AKAP3: variants seen among roughly 807,000 people sequenced by gnomAD.
The protein encoded by AKAP3 is A-kinase anchoring protein 3, also known as A-kinase anchor protein 3.
Under a neutral mutation model 57.2 loss-of-function variants are expected in AKAP3, and 27 were observed. The observed-to-expected ratio is 0.47, with a 90% CI of 0.35 to 0.65. AKAP3 has a LOEUF of 0.65. Ranked by LOEUF, AKAP3 falls within the 30% of genes least tolerant of loss-of-function variation. The probability of loss-of-function intolerance (pLI) is 0.01; values close to 1 mark genes in which losing one functional copy is unlikely to be tolerated. For synonymous variants in AKAP3, 334 were observed against 392.3 expected, an observed-to-expected ratio of 0.85 and a Z score of 1.76; for missense variants, 959 against 1,040.0, an observed-to-expected ratio of 0.92 and a Z score of 1.07.
intron 4 of AKAP3, among the ~76,000 whole-genome samples, chr12:4,631,845 T>C (rs12184480): frequency 0.094 from 14,301 of 152,244 alleles, 799 homozygotes; most frequent in South Asian, 0.15. Flanking sequence ...TATTTATCAG[T>C]GTTAGATATT....
intron 5 of AKAP3, among the ~76,000 whole-genome samples, chr12:4,616,462 T>C (rs994900649): frequency 6.6e-6 from 1 of 152,250 alleles, no homozygotes; most frequent in African/African-American, 2.4e-5. Context: ...CTGTCATTTA[T>C]CTGGAATCCT....
intron 2 of AKAP3, among the ~76,000 whole-genome samples, chr12:4,643,274 A>G (rs1591537018): frequency 6.6e-6 from 1 of 152,226 alleles, no homozygotes. Context: ...GACAGCATCT[A>G]TAAAGAGGTA....
At chr12:4,622,968 A>G (rs1945363739) in intron 5 of AKAP3, among the ~76,000 whole-genome samples, 1 of 152,204 alleles carries the variant, frequency 6.6e-6, no homozygotes, top group Non-Finnish European at 1.5e-5. Context: ...CAAAGGACAC[A>G]AACAGACTCT....
At chr12:4,629,631 A>G (rs898933911) in intron 4 of AKAP3, among the ~76,000 whole-genome samples, 2 of 152,272 alleles carry the variant, frequency 1.3e-5, no homozygotes, top group Admixed American at 6.5e-5. Context: ...AACTTAAAAT[A>G]AAAGTTAAAA....
At position 4,626,528 on chromosome 12, in the gene AKAP3, A is replaced by T; in HGVS notation, c.2374T>A (p.Phe792Ile). The T allele has an allele frequency of 1.2e-6, 2 of 1,614,012 alleles. No individual in the cohort carries two copies. Among genetic ancestry groups the T allele is most frequent in the Admixed American group, 1.7e-5 (1 of 60,016 alleles). ...ASELNVPILY[F>I]AGDDEGIQEK... The stretch of plus-strand genomic sequence containing the variant: ...TGGATCCCTTCATCATCACCAGCAA[A>T]ATACAAAATAGGGACATTGAGCTCA... The change falls in exon 5 of 6, where the codon TTT becomes ATT. Residue 792 changes from phenylalanine (F) to isoleucine (I), a missense_variant. By Grantham distance (21) the Phe-to-Ile change is conservative (BLOSUM62 0). Coordinates refer to ENST00000228850, the MANE Select transcript of AKAP3 (RefSeq NM_001278309.2).
chr12:4,630,097 A>G (rs1377542732), intron 4 of AKAP3, among the ~76,000 whole-genome samples: 1 of 152,198 alleles, frequency 6.6e-6, no homozygotes, highest in African/African-American at 2.4e-5. Context: ...CACTGTAATT[A>G]TTGGAGTTCA....
rs553766298 is a variant in AKAP3 at position 4,647,471 on chromosome 12, GAGACA to G, written c.-245+1269_-245+1273del. ...GAGGAGGTCTTGAGCCCAGGAATTTGAGACAAGCCTGGGCAATACAGTAAGACCCC... is the reference window on the plus strand; with the variant it reads ...GAGGAGGTCTTGAGCCCAGGAATTTGAGCCTGGGCAATACAGTAAGACCCC... On this transcript the variant is annotated intron_variant, in intron 1 of 5. Transcript: ENST00000228850. Among the ~76,000 whole-genome samples the G allele has an allele frequency of 3.5e-3, 531 of 151,392 alleles. 5 individuals carry two copies. Among genetic ancestry groups the G allele is most frequent in the Admixed American group, 8.7e-3 (133 of 15,220 alleles).
At chr12:4,644,809 G>A (rs769671389) in intron 2 of AKAP3, among the ~76,000 whole-genome samples, 1 of 152,154 alleles carries the variant, frequency 6.6e-6, no homozygotes, top group African/African-American at 2.4e-5. Flanking sequence ...AGCTACTCGG[G>A]AGTCTGAGGC....
chr12:4,629,270 G>T (rs1945467988), intron 4 of AKAP3, among the ~76,000 whole-genome samples: 1 of 152,188 alleles, frequency 6.6e-6, no homozygotes, highest in Admixed American at 6.5e-5. Context: ...TCCCTGTAAA[G>T]GACGTGATAT....
chr12:4,631,191 T>C, intron 4 of AKAP3: 1 of 531,542 alleles, frequency 1.9e-6, no homozygotes, highest in South Asian at 2.7e-5. Flanking sequence ...GCAGCAATGA[T>C]TGGAAATTTG....
At position 4,648,885 on chromosome 12, in the gene AKAP3, A is replaced by G. The variant is rs1945733204; in HGVS notation, c.-385T>C. ...ACTCTGAACTTCAGGTTCCTCGGCA[A>G]TTAGAGATTATAAATAGCCTATACA... is the stretch of plus-strand genomic sequence containing the variant. On this transcript the variant is annotated 5_prime_UTR_variant, in exon 1 of 6. Transcript: ENST00000228850. 1 of 516,506 alleles carries G rather than the reference A, an allele frequency of 1.9e-6. No individual in the cohort carries two copies. Among genetic ancestry groups the G allele is most frequent in the South Asian group, 2.9e-5 (1 of 34,490 alleles). 32.0% of individuals were successfully genotyped at this position (516,506 alleles called of 1,614,324 possible).
At chr12:4,635,757 C>T in intron 4 of AKAP3, 1 of 717,186 alleles carries the variant, frequency 1.4e-6, no homozygotes, top group Non-Finnish European at 2.6e-6. Context: ...CATTCTTGAC[C>T]AGCTGTATCC....
At position 4,638,111 on chromosome 12, in the gene AKAP3, T is replaced by C. The variant is rs1415041043; in HGVS notation, c.86A>G (p.Asp29Gly). 1.2e-6 allele frequency: 2 copies of C among 1,613,032 alleles called. No individual in the cohort carries two copies. Among genetic ancestry groups the C allele is most frequent in the Non-Finnish European group, 1.7e-6 (2 of 1,179,008 alleles). ...VYSPGDNQAQ[D>G]WKMDTSTDPV... ...GAGGTTGACCCTTACCATTTTCCAG[T>C]CCTGGGCTTGGTTGTCTCCAGGAGA... The change falls in exon 4 of 6, where the codon GAC becomes GGC. Residue 29 changes from aspartate to glycine, a missense_variant. Coordinates refer to ENST00000228850, the MANE Select transcript of AKAP3 (RefSeq NM_001278309.2).
At chr12:4,637,939 A>G (rs958725608) in intron 4 of AKAP3, among the ~76,000 whole-genome samples, 162 bp downstream of exon 4, 6 of 152,194 alleles carry the variant, frequency 3.9e-5, no homozygotes, top group Non-Finnish European at 5.9e-5. Context: ...CCAGAAAACT[A>G]TAAATGGGAA....
intron 4 of AKAP3, among the ~76,000 whole-genome samples, chr12:4,632,496 G>A (rs1945510891): frequency 6.6e-6 from 1 of 152,170 alleles, no homozygotes; most frequent in African/African-American, 2.4e-5. Flanking sequence ...ACTATAATTA[G>A]GAACAAGAGT....
chr12:4,632,964 T>C (rs1945517817), intron 4 of AKAP3, among the ~76,000 whole-genome samples: 1 of 151,952 alleles, frequency 6.6e-6, no homozygotes, highest in Non-Finnish European at 1.5e-5. Context: ...TTTAATGGGG[T>C]TTTTGAAAAT....
chr12:4,621,472 T>C (rs1014501895), intron 5 of AKAP3, among the ~76,000 whole-genome samples: 2 of 152,220 alleles, frequency 1.3e-5, no homozygotes, highest in East Asian at 3.9e-4. Flanking sequence ...TACCATTTTT[T>C]ATCTTTCAAA....
chr12:4,624,212 G>A (rs937993722), intron 5 of AKAP3, among the ~76,000 whole-genome samples: 4 of 151,602 alleles, frequency 2.6e-5, no homozygotes, highest in Non-Finnish European at 4.4e-5. Flanking sequence ...TATATGAAAT[G>A]GCTTCATATA....
At chr12:4,646,226 G>A (rs1945696477) in intron 1 of AKAP3, among the ~76,000 whole-genome samples, 4 of 152,048 alleles carry the variant, frequency 2.6e-5, no homozygotes, top group African/African-American at 7.3e-5. Context: ...CTCTGAAAAT[G>A]TTACCTCAGC....
Sources: allele counts gnomAD v4.1 joint callset (sites outside exome capture counted in the v4.1 genomes callset), GRCh38; gene constraint gnomAD v4.1.1; transcripts MANE v1.5; gene names NCBI Gene and HGNC (gene_info 2026-07-23, HGNC 2026-07-21).